The following CEACAM19 variants were observed in gnomAD, a reference collection of about 807,000 sequenced individuals.
CEACAM19 encodes the protein cell adhesion molecule CEACAM19.
CEACAM19 carries 37 observed loss-of-function variants against 37.6 expected under a neutral mutation model. That is an observed-to-expected ratio of 0.98 (90% confidence interval 0.76 to 1.29). The LOEUF is 1.29. CEACAM19 is among the 50% of genes most tolerant of loss of function. The probability of loss-of-function intolerance (pLI) is 0.00; values close to 1 mark genes in which losing one functional copy is unlikely to be tolerated. For synonymous variants in CEACAM19, 140 were observed against 149.8 expected, an observed-to-expected ratio of 0.93 and a Z score of 0.48; for missense variants, 340 against 375.6, an observed-to-expected ratio of 0.91 and a Z score of 0.78.
At chr19:44,677,171 C>A (rs900792568) in intron 3 of CEACAM19, among the ~76,000 whole-genome samples, 1 of 152,154 alleles carries the variant, frequency 6.6e-6, no homozygotes, top group Non-Finnish European at 1.5e-5. Flanking sequence ...CCCAAGTCTA[C>A]CTCTCATTGG....
At chr19:44,677,316 T>A (rs1973968463) in intron 3 of CEACAM19, among the ~76,000 whole-genome samples, 1 of 152,136 alleles carries the variant, frequency 6.6e-6, no homozygotes, top group Non-Finnish European at 1.5e-5. Context: ...CTCCGTTTAA[T>A]CAAGTGGATT....
chr19:44,674,899 C>T (rs967636123), intron 2 of CEACAM19, among the ~76,000 whole-genome samples: 16 of 152,198 alleles, frequency 1.1e-4, no homozygotes, highest in East Asian at 3.9e-4. Context: ...CCCACATTTC[C>T]GGGGTTCCCA....
At position 44,672,704 on chromosome 19, in the gene CEACAM19, G is replaced by A. The variant is rs1973877174; in HGVS notation, c.164G>A (p.Gly55Asp). Residue 55 changes from glycine to aspartate, a missense_variant, in exon 2 of 8, where the codon GGT becomes GAT. Coordinates refer to ENST00000358777, the MANE Select transcript of CEACAM19 (RefSeq NM_001127893.3). ...CAGGACCTTCTCCTGTCAGTCCAGG[G>A]TGTCCCAGACACCTTCCAGGACTTC... Reference protein sequence around the residue: ...KNQDLLLSVQGVPDTFQDFNW... With the variant: ...KNQDLLLSVQDVPDTFQDFNW... 3.8e-6 allele frequency: 6 copies of A among 1,577,720 alleles called. No individual in the cohort carries two copies. Among genetic ancestry groups the A allele is most frequent in the Non-Finnish European group, 5.2e-6 (6 of 1,160,978 alleles).
At chr19:44,668,378 T>TA (rs1973781971), upstream of CEACAM19, among the ~76,000 whole-genome samples, 1 of 61,202 alleles carries the variant, frequency 1.6e-5, no homozygotes, top group African/African-American at 6.9e-5. Context: ...TTATATATTA[T>TA]ATATATAATA....
chr19:44,683,295 C>T (rs1449199692), intron 7 of CEACAM19, 142 bp from the exon 8 acceptor site: 1 of 503,830 alleles, frequency 2.0e-6, no homozygotes, highest in African/African-American at 2.0e-5. Flanking sequence ...CTGCATCTCA[C>T]TCTCTTTCCA....
At chr19:44,668,148 AT>A (rs1416486209), upstream of CEACAM19, among the ~76,000 whole-genome samples, 8 of 87,652 alleles carry the variant, frequency 9.1e-5, no homozygotes, top group African/African-American at 2.8e-4. Context: ...TATATTATAT[AT>A]ATTTATATGC....
chr19:44,682,979 C>T (rs2122155568), intron 7 of CEACAM19: 2 of 286,524 alleles, frequency 7.0e-6, no homozygotes, highest in East Asian at 7.9e-5. Context: ...CTCCTGTCAG[C>T]TGTCTGTCCC....
At chr19:44,675,742 T>A (rs957240422) in intron 2 of CEACAM19, among the ~76,000 whole-genome samples, 2 of 151,618 alleles carry the variant, frequency 1.3e-5, no homozygotes, top group African/African-American at 4.9e-5. Flanking sequence ...ACCGTGATCA[T>A]GCCACTGCAT....
chr19:44,678,732 G>GCA, intron 3 of CEACAM19, 121 bp from the exon 4 acceptor site: 1 of 1,394,584 alleles, frequency 7.2e-7, no homozygotes, highest in Non-Finnish European at 9.6e-7. Flanking sequence ...ACTCAAAACC[G>GCA]CACACACACC....
rs1973876053 is a variant in CEACAM19, at chr19:44,672,651, G to T, written c.111G>T (p.Gln37His). The T allele has an allele frequency of 6.6e-7, 1 of 1,516,952 alleles. No homozygotes were observed. Among genetic ancestry groups the T allele is most frequent in the Non-Finnish European group, 8.8e-7 (1 of 1,131,304 alleles). The allele number at this position is 1,516,952 out of a possible 1,614,324, so 94.0% of individuals were successfully genotyped here. A position where few individuals can be genotyped will look rare whatever the true frequency, so the allele number is the denominator to read the frequency against. ...GCTCCCAGGCAGCTCTCTACATCCA[G>T]AAGATTCCAGAGCAGCCTCAAAAGA... ...LQGSQAALYI[Q>H]KIPEQPQKNQ... Residue 37 changes from glutamine (Q) to histidine (H), a missense_variant, in exon 2 of 8, where the codon CAG becomes CAT. Physicochemically the swap from Gln to His is conservative, Grantham distance 24. Coordinates refer to ENST00000358777, the MANE Select transcript of CEACAM19 (RefSeq NM_001127893.3).
rs893969855 is a variant in CEACAM19 at position 44,683,872 on chromosome 19, T to C, written c.*382T>C. 1.5e-5 allele frequency: 3 copies of C among 195,076 alleles called. No individual in the cohort carries two copies. Among genetic ancestry groups the C allele is most frequent in the Admixed American group, 6.1e-5 (1 of 16,416 alleles). 12.1% of individuals were successfully genotyped at this position (195,076 alleles called of 1,614,324 possible). A position where few individuals can be genotyped will look rare whatever the true frequency, so the allele number is the denominator to read the frequency against. On this transcript the variant is annotated 3_prime_UTR_variant, in exon 8 of 8. Coordinates refer to ENST00000358777, the MANE Select transcript of CEACAM19 (RefSeq NM_001127893.3). ...AGTTGGCTGGGCTCCCAACTGTCTG[T>C]CCTCAATGCCCTACCCCAACTCCAC...
In CEACAM19 at chr19:44,672,800, C is replaced by T; in HGVS notation, c.260C>T (p.Pro87Leu). ...ACCTACATCCCTGGGATACAACGGCCTCAGAGGGATGGCAGTGCCATGGGA... is the reference window on the plus strand; with the variant it reads ...ACCTACATCCCTGGGATACAACGGCTTCAGAGGGATGGCAGTGCCATGGGA... Reference protein sequence around the residue: ...LFTYIPGIQRPQRDGSAMGQR... With the variant: ...LFTYIPGIQRLQRDGSAMGQR... Residue 87 changes from proline to leucine, a missense_variant, in exon 2 of 8, where the codon CCT (proline) becomes CTT (leucine). By Grantham distance (98) the Pro-to-Leu change is moderately conservative. Transcript: ENST00000358777. The T allele has an allele frequency of 2.5e-6, 4 of 1,594,354 alleles. No homozygotes were observed. The highest frequency in any genetic ancestry group is 3.4e-6 in the Non-Finnish European group (4 of 1,169,076).
At chr19:44,674,368 T>G (rs1351947410) in intron 2 of CEACAM19, among the ~76,000 whole-genome samples, 1 of 152,062 alleles carries the variant, frequency 6.6e-6, no homozygotes, top group Non-Finnish European at 1.5e-5. Context: ...AGGGTCTTAC[T>G]GATATTGCTC....
chr19:44,674,589 G>C (rs747496468), intron 2 of CEACAM19, among the ~76,000 whole-genome samples: 6 of 151,044 alleles, frequency 4.0e-5, no homozygotes, highest in African/African-American at 4.9e-5. Flanking sequence ...TATTGGTAGA[G>C]ACTGGGTTTC....
chr19:44,683,009 C>T, intron 7 of CEACAM19: 1 of 265,860 alleles, frequency 3.8e-6, no homozygotes, highest in Non-Finnish European at 7.1e-6. Context: ...GTCTCTCTCT[C>T]TCAGTGGCCT....
At chr19:44,679,457 A>G (rs975988531) in intron 4 of CEACAM19, among the ~76,000 whole-genome samples, 1 of 152,190 alleles carries the variant, frequency 6.6e-6, no homozygotes, top group Non-Finnish European at 1.5e-5. Flanking sequence ...ATACAAAATT[A>G]GCAGAGCATG....
upstream of CEACAM19, among the ~76,000 whole-genome samples, chr19:44,667,911 T>TATATAAATTATATATAATATATAAAATAC: frequency 1.3e-5 from 1 of 77,262 alleles, no homozygotes; most frequent in African/African-American, 6.0e-5. Context: ...ATATAAAATA[T>TATATAAATTATATATAATATATAAAATAC]ATATAAATTA....
Position 44,672,873 on chromosome 19 carries a change from C to T in CEACAM19, c.333C>T (p.Arg111=), listed in dbSNP as rs142817292. 926 of 1,592,194 alleles carry T rather than the reference C, an allele frequency of 5.8e-4. No individual in the cohort carries two copies. The highest frequency in any genetic ancestry group is 7.0e-4 in the Non-Finnish European group (820 of 1,167,778). ...GFPNGSMLLR[R]AQPTDSGTYQ... is the part of the protein sequence containing the mutation. ...CCAATGGTTCCATGCTGCTGCGCCG[C>T]GCCCAGCCTACAGACAGTGGCACCT... Residue 111 remains arginine, a synonymous_variant, in exon 2 of 8, where the codon CGC becomes CGT. Coordinates refer to ENST00000358777, the MANE Select transcript of CEACAM19 (RefSeq NM_001127893.3).
chr19:44,672,514 T>G (rs935007873), intron 1 of CEACAM19, 82 bp from the exon 2 acceptor site: 3 of 1,360,616 alleles, frequency 2.2e-6, no homozygotes. Context: ...TGCTCCCCGC[T>G]GAAGATCTGT....
Sources: gnomAD v4.1 joint callset for allele counts (sites outside exome capture counted in the v4.1 genomes callset) on GRCh38, gnomAD v4.1.1 for gene constraint, MANE v1.5 for transcripts, NCBI Gene and HGNC (gene_info 2026-07-23, HGNC 2026-07-21) for gene names.